IMMP2L: variants seen among roughly 807,000 people sequenced by gnomAD.
IMMP2L encodes inner mitochondrial membrane peptidase subunit 2, also known as mitochondrial inner membrane protease subunit 2.
Under a neutral mutation model 19.3 loss-of-function variants are expected in IMMP2L, and 18 were observed. That is an observed-to-expected ratio of 0.93 (90% confidence interval 0.64 to 1.38). The LOEUF (loss-of-function observed/expected upper bound fraction) is 1.38, where lower values mean the gene tolerates loss of function less well. Ranked by LOEUF, IMMP2L falls within the 40% of genes most tolerant of loss-of-function variation. The pLI, the probability that IMMP2L is intolerant of heterozygous loss-of-function variation, is 0.00. For missense variants in IMMP2L, 233 were observed against 218.2 expected (o/e 1.07, Z -0.43); for synonymous variants, 76 against 73.0 (o/e 1.04, Z -0.21).
intron 2 of IMMP2L, among the ~76,000 whole-genome samples, chr7:111,507,116 T>G (rs575837079): frequency 6.6e-6 from 1 of 152,012 alleles, no homozygotes; most frequent in Admixed American, 6.6e-5. Context: ...GCTGGGATTA[T>G]AGGCGTGAGC....
chr7:111,199,375 CCA>C (rs1491363123), intron 3 of IMMP2L, among the ~76,000 whole-genome samples: 1 of 151,970 alleles, frequency 6.6e-6, no homozygotes, highest in Non-Finnish European at 1.5e-5. Context: ...AGCAATACAA[CCA>C]CAGTTAATTA....
At chr7:110,669,098 T>TAGAG (rs1400627237) in intron 5 of IMMP2L, among the ~76,000 whole-genome samples, 3 of 126,948 alleles carry the variant, frequency 2.4e-5, no homozygotes, top group African/African-American at 1.2e-4. Context: ...TGTATATGTA[T>TAGAG]ATATATATAT....
chr7:111,367,268 A>G (rs1829859331), intron 3 of IMMP2L, among the ~76,000 whole-genome samples: 1 of 151,946 alleles, frequency 6.6e-6, no homozygotes, highest in Non-Finnish European at 1.5e-5. Context: ...AAATTGTTTT[A>G]ATAATTTCTT....
intron 5 of IMMP2L, among the ~76,000 whole-genome samples, chr7:110,801,404 C>G (rs912219152): frequency 1.3e-5 from 2 of 152,056 alleles, no homozygotes; most frequent in African/African-American, 4.8e-5. Context: ...CTAGATTTTC[C>G]AAATATGTGC....
chr7:111,172,429 G>A (rs1275521175), intron 3 of IMMP2L, among the ~76,000 whole-genome samples: 2 of 151,368 alleles, frequency 1.3e-5, no homozygotes, highest in East Asian at 1.9e-4. Context: ...TGTATACAAC[G>A]TGTAATGATC....
At chr7:110,859,077 T>C (rs1457194079) in intron 5 of IMMP2L, among the ~76,000 whole-genome samples, 1 of 152,126 alleles carries the variant, frequency 6.6e-6, no homozygotes, top group African/African-American at 2.4e-5. Flanking sequence ...CTTATTTCTT[T>C]TCTTTTTCAC....
intron 3 of IMMP2L, among the ~76,000 whole-genome samples, chr7:111,199,583 T>G (rs1809883946): frequency 6.6e-6 from 1 of 152,162 alleles, no homozygotes; most frequent in South Asian, 2.1e-4. Flanking sequence ...ATAATTTGAT[T>G]TGAGTAAGAA....
At chr7:111,099,256 A>G (rs982433770) in intron 3 of IMMP2L, among the ~76,000 whole-genome samples, 1 of 151,714 alleles carries the variant, frequency 6.6e-6, no homozygotes, top group Non-Finnish European at 1.5e-5. Flanking sequence ...CTTTCCTTGT[A>G]TCTAGTTCCA....
At chr7:111,111,242 C>G (rs1266998483) in intron 3 of IMMP2L, among the ~76,000 whole-genome samples, 1 of 149,800 alleles carries the variant, frequency 6.7e-6, no homozygotes, top group Non-Finnish European at 1.5e-5. Context: ...CATGTACAAC[C>G]TTGCAAAAAG....
At chr7:111,108,426 A>C (rs1426690916) in intron 3 of IMMP2L, among the ~76,000 whole-genome samples, 3 of 152,172 alleles carry the variant, frequency 2.0e-5, no homozygotes, top group Admixed American at 6.6e-5. Context: ...TTAAGAAACT[A>C]ATCTGTATAT....
intron 3 of IMMP2L, among the ~76,000 whole-genome samples, chr7:111,114,530 G>A (rs775707147): frequency 1.4e-4 from 22 of 152,086 alleles, no homozygotes; most frequent in Admixed American, 7.2e-4. Context: ...TAGGTCAGGA[G>A]TTTGAGACCA....
intron 3 of IMMP2L, among the ~76,000 whole-genome samples, chr7:111,273,771 T>A (rs965197029): frequency 6.6e-6 from 1 of 152,036 alleles, no homozygotes; most frequent in African/African-American, 2.4e-5. Context: ...TTACATGGAA[T>A]ATTTCTGGAA....
At chr7:111,083,127 G>A (rs887891168) in intron 3 of IMMP2L, among the ~76,000 whole-genome samples, 4 of 152,134 alleles carry the variant, frequency 2.6e-5, no homozygotes, top group Non-Finnish European at 1.5e-5. Context: ...GAAGTTTTAT[G>A]TATGTGTATC....
intron 3 of IMMP2L, among the ~76,000 whole-genome samples, chr7:111,214,331 C>CT (rs1169450523): frequency 0.073 from 6,000 of 81,984 alleles, 1,207 homozygotes; most frequent in African/African-American, 0.12. Context: ...AATTTTTCTT[C>CT]TTTTTTTTTT....
intron 3 of IMMP2L, among the ~76,000 whole-genome samples, chr7:111,355,451 T>A (rs1828602135): frequency 6.6e-6 from 1 of 151,748 alleles, no homozygotes; most frequent in South Asian, 2.1e-4. Context: ...AATATTGGGC[T>A]TTATTACTTA....
chr7:111,103,478 T>C (rs542852132), intron 3 of IMMP2L, among the ~76,000 whole-genome samples: 85 of 151,736 alleles, frequency 5.6e-4, no homozygotes, highest in Non-Finnish European at 1.0e-3. Flanking sequence ...AATAGCGTGA[T>C]ACATTTTTAG....
In IMMP2L at chr7:110,728,388, A is replaced by G. The variant is rs941413405; in HGVS notation, c.409-64667T>C. On this transcript the variant is annotated intron_variant, in intron 5 of 5. Coordinates refer to ENST00000405709, the MANE Select transcript of IMMP2L (RefSeq NM_032549.4). The surrounding 1 kb of genome is among the most constrained non-coding windows in gnomAD (Gnocchi z 4.6). ...GTGGTGTGTGCCTGTAAACCCAGCT[A>G]CTCGGGAGGCTGAGGCACGAGAATC... 6.6e-6 allele frequency among the ~76,000 whole-genome samples: 1 copy of G among 151,942 alleles called. No individual in the cohort carries two copies. The highest frequency in any genetic ancestry group is 6.6e-5 in the Admixed American group (1 of 15,226).
At chr7:111,058,205 T>C (rs1223631129) in intron 3 of IMMP2L, among the ~76,000 whole-genome samples, 1 of 152,202 alleles carries the variant, frequency 6.6e-6, no homozygotes, top group Non-Finnish European at 1.5e-5. Context: ...ACATCCTTTT[T>C]CTAACTCAGG....
chr7:111,147,189 T>G (rs1803567759), intron 3 of IMMP2L, among the ~76,000 whole-genome samples: 1 of 152,126 alleles, frequency 6.6e-6, no homozygotes, highest in South Asian at 2.1e-4. Context: ...TTTTGTTTCC[T>G]CTCAGGTCAG....
Sources: allele counts gnomAD v4.1 joint callset (sites outside exome capture counted in the v4.1 genomes callset), GRCh38; gene constraint gnomAD v4.1.1; non-coding constraint Gnocchi (gnomAD v3.1); transcripts MANE v1.5; gene names NCBI Gene and HGNC (gene_info 2026-07-23, HGNC 2026-07-21).